Variants in HEMK2 observed in about 807,000 individuals in gnomAD.
HEMK2 encodes HemK methyltransferase 2, ETF1 glutamine and histone H4 lysine.
the HEMK2 span, among the ~76,000 whole-genome samples, chr21:28,736,919 G>A: frequency 6.6e-6 from 1 of 152,286 alleles, no homozygotes; most frequent in South Asian, 2.1e-4. Context: ...ATTCACAGGG[G>A]TTTAAACTTT....
the HEMK2 span, among the ~76,000 whole-genome samples, chr21:28,786,068 T>G: frequency 1.3e-5 from 2 of 152,226 alleles, no homozygotes; most frequent in Admixed American, 1.3e-4. Flanking sequence ...TGCATTATCT[T>G]TGATTCCTGG....
chr21:28,860,227 G>A, the HEMK2 span, among the ~76,000 whole-genome samples: 19 of 152,186 alleles, frequency 1.2e-4, no homozygotes, highest in East Asian at 1.5e-3. Flanking sequence ...AGCTCCCAGC[G>A]TGCCTAGAAA....
chr21:28,600,557 A>T, the HEMK2 span, among the ~76,000 whole-genome samples: 2 of 152,204 alleles, frequency 1.3e-5, no homozygotes, highest in Non-Finnish European at 2.9e-5. Flanking sequence ...AAAGTCTCTG[A>T]CATGCCCTGG....
At chr21:28,884,610 G>A in the HEMK2 span, among the ~76,000 whole-genome samples, 1 of 152,180 alleles carries the variant, frequency 6.6e-6, no homozygotes, top group African/African-American at 2.4e-5. Flanking sequence ...CTAGCTGCAT[G>A]TAACTTTTTT....
At chr21:28,858,580 A>G in the HEMK2 span, among the ~76,000 whole-genome samples, 6 of 151,848 alleles carry the variant, frequency 4.0e-5, no homozygotes, top group East Asian at 1.9e-4. Flanking sequence ...GGGAGGGAGG[A>G]AGGAAGGAAG....
chr21:28,644,873 A>C, the HEMK2 span, among the ~76,000 whole-genome samples: 6 of 152,166 alleles, frequency 3.9e-5, no homozygotes, highest in African/African-American at 1.4e-4. Flanking sequence ...CATTTTTGTT[A>C]ATCTGATGAG....
the HEMK2 span, among the ~76,000 whole-genome samples, chr21:28,611,744 C>T: frequency 6.6e-6 from 1 of 151,780 alleles, no homozygotes; most frequent in South Asian, 2.1e-4. Context: ...CTCATCTCTG[C>T]TAAAAATACA....
At chr21:28,654,682 A>G in the HEMK2 span, among the ~76,000 whole-genome samples, 1 of 152,102 alleles carries the variant, frequency 6.6e-6, no homozygotes, top group African/African-American at 2.4e-5. Context: ...ACAGGTTCAG[A>G]CTTACTGAAA....
At chr21:28,831,533 A>C in the HEMK2 span, among the ~76,000 whole-genome samples, 5 of 76,566 alleles carry the variant, frequency 6.5e-5, no homozygotes, top group Non-Finnish European at 1.1e-4. Flanking sequence ...GAAGGAAAGA[A>C]GGAAAGAAGG....
the HEMK2 span, among the ~76,000 whole-genome samples, chr21:28,649,857 A>AAAT: frequency 0.56 from 84,168 of 151,432 alleles, 26,179 homozygotes; most frequent in African/African-American, 0.84. Flanking sequence ...CAAAATAATA[A>AAAT]AATAATAAAA....
At chr21:28,868,299 CT>C in the HEMK2 span, among the ~76,000 whole-genome samples, 2 of 152,148 alleles carry the variant, frequency 1.3e-5, no homozygotes, top group East Asian at 3.8e-4. Flanking sequence ...TGGAATTTTA[CT>C]GTAAGTATAG....
At chr21:28,844,972 C>CT in the HEMK2 span, among the ~76,000 whole-genome samples, 1 of 151,384 alleles carries the variant, frequency 6.6e-6, no homozygotes, top group Admixed American at 6.6e-5. Flanking sequence ...TTATGATATC[C>CT]TTTGTGACAT....
At chr21:28,606,217 G>A in the HEMK2 span, among the ~76,000 whole-genome samples, 4 of 151,874 alleles carry the variant, frequency 2.6e-5, no homozygotes, top group East Asian at 7.8e-4. Flanking sequence ...ATTTTGGGCA[G>A]GATTTCTAAA....
chr21:28,775,865 T>G, the HEMK2 span, among the ~76,000 whole-genome samples: 4 of 151,778 alleles, frequency 2.6e-5, no homozygotes, highest in Non-Finnish European at 4.4e-5. Flanking sequence ...GAAAATAAAT[T>G]AGAGAGCAAA....
the HEMK2 span, chr21:28,872,578 A>G: frequency 6.6e-6 from 1 of 152,174 alleles, no homozygotes. Flanking sequence ...TTGGTCTAAT[A>G]TATCTTTTAC....
At chr21:28,831,638 A>AGAAG in the HEMK2 span, among the ~76,000 whole-genome samples, 8 of 33,138 alleles carry the variant, frequency 2.4e-4, 1 homozygote, top group South Asian at 1.3e-3. Context: ...AAGGAAGGAA[A>AGAAG]GAAAGAAAGA....
the HEMK2 span, among the ~76,000 whole-genome samples, chr21:28,629,278 C>G: frequency 9.9e-5 from 15 of 152,256 alleles, no homozygotes; most frequent in South Asian, 2.9e-3. Context: ...AGGTGGGTGG[C>G]AAATTATAAC....
chr21:28,602,705 G>T, the HEMK2 span, among the ~76,000 whole-genome samples: 2 of 152,324 alleles, frequency 1.3e-5, no homozygotes, highest in South Asian at 4.1e-4. Context: ...AAGGAATCTT[G>T]CATGTGCAGT....
At chr21:28,846,915 C>T in the HEMK2 span, among the ~76,000 whole-genome samples, 2 of 152,066 alleles carry the variant, frequency 1.3e-5, no homozygotes, top group Non-Finnish European at 2.9e-5. Flanking sequence ...CATTAGTTCG[C>T]TTAGAATAAT....
Sources: gnomAD v4.1 joint callset for allele counts (sites outside exome capture counted in the v4.1 genomes callset) on GRCh38, gnomAD v4.1.1 for gene constraint, MANE v1.5 for transcripts, NCBI Gene and HGNC (gene_info 2026-07-23, HGNC 2026-07-21) for gene names.